PPP4R3A: variants seen among roughly 807,000 people sequenced by gnomAD.
The protein encoded by PPP4R3A is protein phosphatase 4 regulatory subunit 3A, also known as serine/threonine-protein phosphatase 4 regulatory subunit 3A.
PPP4R3A carries 15 observed loss-of-function variants against 91.7 expected under a neutral mutation model. The observed-to-expected ratio is 0.16, with a 90% CI of 0.11 to 0.25. The LOEUF (loss-of-function observed/expected upper bound fraction) is 0.25. PPP4R3A is among the 10% of genes least tolerant of loss of function. The probability of loss-of-function intolerance (pLI) is 1.00; values close to 1 mark genes in which losing one functional copy is unlikely to be tolerated. For missense variants in PPP4R3A, 623 were observed against 998.4 expected (o/e 0.62, Z 5.07); for synonymous variants, 377 against 348.7 (o/e 1.08, Z -0.91).
chr14:91,470,749 TA>T, intron 10 of PPP4R3A, 87 bp downstream of exon 10: 1 of 1,450,360 alleles, frequency 6.9e-7, no homozygotes, highest in Non-Finnish European at 9.4e-7. Context: ...TCCTGACCTG[TA>T]ATCAGTGGTC....
intron 1 of PPP4R3A, among the ~76,000 whole-genome samples, chr14:91,508,052 TAA>T (rs1354553464): frequency 6.6e-6 from 1 of 152,342 alleles, no homozygotes; most frequent in East Asian, 1.9e-4. Flanking sequence ...ACATACTATG[TAA>T]AGTTTTCCAA....
At chr14:91,501,854 G>A (rs867573119) in intron 1 of PPP4R3A, among the ~76,000 whole-genome samples, 11 of 145,880 alleles carry the variant, frequency 7.5e-5, no homozygotes, top group African/African-American at 2.5e-4. Context: ...ACATGCTCCC[G>A]CCACCAAGCC....
In PPP4R3A at chr14:91,509,632, G is replaced by A; in HGVS notation, c.16C>T (p.Arg6Trp). The A allele has an allele frequency of 6.3e-7, 1 of 1,599,162 alleles. No individual in the cohort carries two copies. Among genetic ancestry groups the A allele is most frequent in the East Asian group, 2.2e-5 (1 of 44,734 alleles). MTDTR[R>W]RVKVYTLNED... ...TTGAGCGTGTACACCTTCACCCGCC[G>A]CCGGGTGTCGGTCATCGTGCCGCCC... Residue 6 changes from arginine (R) to tryptophan (W), a missense_variant, in exon 1 of 15, where the codon CGG becomes TGG. Arg to Trp is a moderately radical substitution (Grantham distance 101). Coordinates refer to ENST00000554943, the MANE Select transcript of PPP4R3A (RefSeq NM_001366432.2).
chr14:91,494,140 A>G (rs958263187), intron 1 of PPP4R3A, among the ~76,000 whole-genome samples: 1 of 152,122 alleles, frequency 6.6e-6, no homozygotes, highest in Non-Finnish European at 1.5e-5. Flanking sequence ...CTCAGACACA[A>G]TCTATCTCCA....
In PPP4R3A at chr14:91,509,956, T is replaced by G; in HGVS notation, c.-309A>C. 2.0e-6 allele frequency: 2 copies of G among 1,018,026 alleles called. No homozygotes were observed. The highest frequency in any genetic ancestry group is 1.2e-6 in the Non-Finnish European group (1 of 851,960). 63.1% of individuals were successfully genotyped at this position (1,018,026 alleles called of 1,614,324 possible). A position where few individuals can be genotyped will look rare whatever the true frequency, so the allele number is the denominator to read the frequency against. On this transcript the variant is annotated 5_prime_UTR_variant, in exon 1 of 15. Transcript: ENST00000554943. Reference sequence around the variant, plus strand: ...CCTCCCGCCCCGCAGCGCTAGGAACTCGGGGCTCCCGTCACTGCCCTGCTC... The same window carrying G: ...CCTCCCGCCCCGCAGCGCTAGGAACGCGGGGCTCCCGTCACTGCCCTGCTC...
At chr14:91,467,892 T>TA (rs1300824678) in intron 10 of PPP4R3A, among the ~76,000 whole-genome samples, 1 of 152,222 alleles carries the variant, frequency 6.6e-6, no homozygotes, top group African/African-American at 2.4e-5. Context: ...TAAATATCAA[T>TA]AAACCCTCCT....
At chr14:91,503,729 G>A (rs957542908) in intron 1 of PPP4R3A, among the ~76,000 whole-genome samples, 5 of 151,656 alleles carry the variant, frequency 3.3e-5, no homozygotes, top group African/African-American at 1.2e-4. Context: ...AAAAGTTGAA[G>A]AAAAAACAAA....
At chr14:91,505,326 G>A (rs1010689059) in intron 1 of PPP4R3A, among the ~76,000 whole-genome samples, 12 of 151,844 alleles carry the variant, frequency 7.9e-5, no homozygotes, top group African/African-American at 2.9e-4. Flanking sequence ...GATGGCAGAC[G>A]CCTGTAATCC....
At chr14:91,463,006 C>G (rs1439375455) in intron 11 of PPP4R3A, 129 bp from the exon 12 acceptor site, 3 of 749,432 alleles carry the variant, frequency 4.0e-6, no homozygotes, top group East Asian at 5.3e-5. Context: ...TTAGAGATAA[C>G]CAAACAATAA....
chr14:91,462,326 G>T, intron 12 of PPP4R3A, 87 bp from the exon 13 acceptor site: 2 of 1,246,336 alleles, frequency 1.6e-6, no homozygotes, highest in Non-Finnish European at 2.1e-6. Context: ...GTTAACATAG[G>T]GAATTAACAT....
intron 1 of PPP4R3A, among the ~76,000 whole-genome samples, chr14:91,504,563 T>C (rs1286700464): frequency 6.6e-6 from 1 of 150,984 alleles, no homozygotes; most frequent in African/African-American, 2.4e-5. Flanking sequence ...GATTGTGCCA[T>C]TGCACTCCGG....
intron 1 of PPP4R3A, among the ~76,000 whole-genome samples, chr14:91,502,207 G>T (rs987763746): frequency 6.6e-6 from 1 of 152,074 alleles, no homozygotes; most frequent in Non-Finnish European, 1.5e-5. Context: ...ATTGCTTGAG[G>T]CAGGAAATTC....
chr14:91,482,008 T>G lies in PPP4R3A; in HGVS notation c.483A>C (p.Ala161=). Residue 161 remains alanine (A), a synonymous_variant, in exon 4 of 15, where the codon GCA becomes GCC. Transcript: ENST00000554943. ...LPSPLRREKL[A]LALENEGYIK... ...TATAACCCTCATTTTCTAGTGCCAG[T>G]GCAAGTTTTTCACGACGAAGAGGTG... 6.2e-7 allele frequency: 1 copy of G among 1,614,052 alleles called. No homozygotes were observed. The highest frequency in any genetic ancestry group is 1.7e-5 in the Admixed American group (1 of 60,016).
chr14:91,479,448 G>A (rs1368850188), intron 4 of PPP4R3A, among the ~76,000 whole-genome samples: 1 of 151,276 alleles, frequency 6.6e-6, no homozygotes, highest in Non-Finnish European at 1.5e-5. Flanking sequence ...GCTCACTGCA[G>A]ACTCAAACTC....
chr14:91,504,337 A>AAG (rs1555352950), intron 1 of PPP4R3A, among the ~76,000 whole-genome samples: 2 of 150,562 alleles, frequency 1.3e-5, no homozygotes, highest in East Asian at 3.9e-4. Flanking sequence ...AAAAAAAAAA[A>AAG]AAAAGAAAAG....
At chr14:91,500,969 C>T (rs1384293888) in intron 1 of PPP4R3A, among the ~76,000 whole-genome samples, 1 of 152,154 alleles carries the variant, frequency 6.6e-6, no homozygotes, top group Non-Finnish European at 1.5e-5. Context: ...AATGTTGATG[C>T]TGCAATGAGC....
intron 14 of PPP4R3A, 94 bp from the exon 15 acceptor site, chr14:91,458,963 A>G: frequency 7.3e-7 from 1 of 1,373,442 alleles, no homozygotes; most frequent in Non-Finnish European, 9.7e-7. Flanking sequence ...GATCCTACCA[A>G]CATAGTAACG....
At chr14:91,477,090 G>C in intron 4 of PPP4R3A, 104 bp from the exon 5 acceptor site, 1 of 770,120 alleles carries the variant, frequency 1.3e-6, no homozygotes, top group Non-Finnish European at 1.9e-6. Context: ...AAAAAGGAAA[G>C]GTGGTATTGG....
intron 10 of PPP4R3A, among the ~76,000 whole-genome samples, chr14:91,467,279 A>G (rs1888532027): frequency 7.3e-6 from 1 of 137,410 alleles, no homozygotes; most frequent in Admixed American, 7.6e-5. Context: ...TACCAGTAAG[A>G]TCTAGGAAGT....
Sources: allele counts gnomAD v4.1 joint callset (sites outside exome capture counted in the v4.1 genomes callset), GRCh38; gene constraint gnomAD v4.1.1; transcripts MANE v1.5; gene names NCBI Gene and HGNC (gene_info 2026-07-23, HGNC 2026-07-21).